Variants in MYO7B observed in about 807,000 individuals in gnomAD.
The protein encoded by MYO7B is unconventional myosin-VIIb.
MYO7B carries 212 observed loss-of-function variants against 259.7 expected under a neutral mutation model. That is an observed-to-expected ratio of 0.82 (90% CI 0.73 to 0.91). MYO7B has a LOEUF of 0.91. Ranked by LOEUF, MYO7B falls within the 40% of genes least tolerant of loss-of-function variation. The pLI, the probability that MYO7B is intolerant of heterozygous loss-of-function variation, is 0.00. For synonymous variants in MYO7B, 1,197 were observed against 1,166.4 expected (o/e 1.03, Z -0.54); for missense variants, 2,732 against 2,813.5 (o/e 0.97, Z 0.66).
At chr2:127,625,268 G>A (rs532959893) in intron 30 of MYO7B, 100 bp from the exon 31 acceptor site, 318 of 1,356,186 alleles carry the variant, frequency 2.3e-4, no homozygotes, top group Non-Finnish European at 2.9e-4. Flanking sequence ...TAGCTCCCCT[G>A]TGATGGGGCA....
intron 18 of MYO7B, among the ~76,000 whole-genome samples, chr2:127,595,215 G>A (rs1247238160): frequency 6.6e-6 from 1 of 152,108 alleles, no homozygotes; most frequent in African/African-American, 2.4e-5. Flanking sequence ...ATGTGTCCAG[G>A]AATTCATCCA....
intron 18 of MYO7B, among the ~76,000 whole-genome samples, chr2:127,593,892 G>A (rs1304942845): frequency 1.3e-5 from 2 of 152,228 alleles, no homozygotes; most frequent in Non-Finnish European, 2.9e-5. Context: ...GCTTCTCAGA[G>A]GGGTACCTAG....
At chr2:127,601,283 A>ATAT (rs1481114019) in intron 19 of MYO7B, among the ~76,000 whole-genome samples, 1 of 152,240 alleles carries the variant, frequency 6.6e-6, no homozygotes, top group Non-Finnish European at 1.5e-5. Flanking sequence ...TGGAAAGAAC[A>ATAT]TATATTTTGC....
chr2:127,556,787 G>T (rs540331906), intron 1 of MYO7B, among the ~76,000 whole-genome samples: 3 of 152,256 alleles, frequency 2.0e-5, no homozygotes, highest in African/African-American at 7.2e-5. Flanking sequence ...TCCTTTATAG[G>T]TTACCTGGTG....
chr2:127,628,299 T>G lies in MYO7B; in HGVS notation c.4461-73T>G. The G allele has an allele frequency of 1.3e-6, 2 of 1,532,642 alleles. No homozygotes were observed. The highest frequency in any genetic ancestry group is 1.8e-6 in the Non-Finnish European group (2 of 1,140,388). 94.9% of individuals were successfully genotyped at this position (1,532,642 alleles called of 1,614,324 possible). A position where few individuals can be genotyped will look rare whatever the true frequency, so the allele number is the denominator to read the frequency against. ...GTGACTCAGGACCCCCAACCCCACC[T>G]CCCGAGGCTGTTTAGGGGCTGGATC... On this transcript the variant is annotated intron_variant, in intron 33 of 47. Coordinates refer to ENST00000409816, the MANE Select transcript of MYO7B (RefSeq NM_001393586.1). This position sits in a 1 kb window ranked among gnomAD's most constrained non-coding sequence, Gnocchi z 4.8.
chr2:127,574,171 C>A, intron 7 of MYO7B, 109 bp downstream of exon 7: 1 of 1,364,566 alleles, frequency 7.3e-7, no homozygotes, highest in Non-Finnish European at 1.0e-6. Flanking sequence ...AGGGCCCTCC[C>A]AGAACCCACA....
intron 16 of MYO7B, among the ~76,000 whole-genome samples, chr2:127,591,016 C>CA (rs1409274565): frequency 1.3e-5 from 2 of 151,888 alleles, no homozygotes; most frequent in Non-Finnish European, 2.9e-5. Context: ...CTTATCTCTG[C>CA]AAAAAAATTT....
At chr2:127,566,592 C>T (rs1353061717) in intron 4 of MYO7B, 51 bp from the exon 5 acceptor site, 26 of 1,486,810 alleles carry the variant, frequency 1.7e-5, no homozygotes, top group Admixed American at 4.4e-5. Context: ...AGGCCAGGGC[C>T]GAGTACCTCT....
At chr2:127,545,054 T>C (rs1260824802) in intron 1 of MYO7B, among the ~76,000 whole-genome samples, 1 of 152,224 alleles carries the variant, frequency 6.6e-6, no homozygotes, top group African/African-American at 2.4e-5. Context: ...AGCTGTGTGG[T>C]ATTCTACCCA....
intron 29 of MYO7B, 100 bp downstream of exon 29, chr2:127,623,475 C>T (rs1012155714): frequency 4.7e-6 from 6 of 1,280,804 alleles, no homozygotes; most frequent in Middle Eastern, 2.7e-4. Flanking sequence ...CGGCCACCAC[C>T]TACCCTCCCA....
Position 127,569,790 on chromosome 2 carries a change from G to T in MYO7B, c.472G>T (p.Gly158Cys), listed in dbSNP as rs767454885. 4.4e-6 allele frequency: 7 copies of T among 1,607,100 alleles called. No homozygotes were observed. Among genetic ancestry groups the T allele is most frequent in the Non-Finnish European group, 5.1e-6 (6 of 1,176,740 alleles). Residue 158 changes from glycine to cysteine, a missense_variant and splice_region_variant, in exon 6 of 48, where the codon GGC becomes TGC. By Grantham distance (159) the Gly-to-Cys change is radical. Around this residue, in one of 3 missense-constraint regions of MYO7B, gnomAD observed 1,906 missense variants for 2,026.4 expected, o/e 0.94. Transcript: ENST00000409816. ...TGTCCCTGCACACCCTTTTTGCAGCGGCGAGTCTGGGGCTGGCAAGACGGA... is the reference window on the plus strand; with the variant it reads ...TGTCCCTGCACACCCTTTTTGCAGCTGCGAGTCTGGGGCTGGCAAGACGGA... ...NKRDQCCIIS[G>C]ESGAGKTETT...
chr2:127,556,390 T>C (rs1693637909), intron 1 of MYO7B, among the ~76,000 whole-genome samples: 1 of 152,248 alleles, frequency 6.6e-6, no homozygotes, highest in Non-Finnish European at 1.5e-5. Flanking sequence ...GCCATTTACA[T>C]TCAACATTAG....
chr2:127,562,898 C>T (rs145698866), intron 2 of MYO7B, among the ~76,000 whole-genome samples: 15 of 152,292 alleles, frequency 9.8e-5, no homozygotes, highest in African/African-American at 3.4e-4. Context: ...TGTGAACCAC[C>T]ACATCCAGCC....
At chr2:127,555,922 A>T (rs997127666) in intron 1 of MYO7B, among the ~76,000 whole-genome samples, 1 of 152,198 alleles carries the variant, frequency 6.6e-6, no homozygotes, top group Non-Finnish European at 1.5e-5. Flanking sequence ...CATTCATTCC[A>T]GGGTATAGTT....
At chr2:127,616,362 T>C (rs1176023247) in intron 26 of MYO7B, among the ~76,000 whole-genome samples, 1 of 152,216 alleles carries the variant, frequency 6.6e-6, no homozygotes, top group African/African-American at 2.4e-5. Context: ...GTCTCCTAGT[T>C]GTACTTCCAA....
intron 28 of MYO7B, 134 bp downstream of exon 28, chr2:127,622,235 C>T: frequency 8.0e-7 from 1 of 1,250,746 alleles, no homozygotes; most frequent in Non-Finnish European, 1.1e-6. Context: ...CTCTGCAGTA[C>T]CTCCCATGCC....
chr2:127,637,230 C>A, intron 47 of MYO7B, 86 bp from the exon 48 acceptor site: 1 of 1,064,376 alleles, frequency 9.4e-7, no homozygotes, highest in Non-Finnish European at 1.4e-6. Context: ...CTGCTGGTTG[C>A]TGAGGAAGAG....
At chr2:127,622,738 G>A (rs558572912) in intron 28 of MYO7B, among the ~76,000 whole-genome samples, 217 of 152,260 alleles carry the variant, frequency 1.4e-3, no homozygotes, top group African/African-American at 5.0e-3. Flanking sequence ...TCCCTCCCAC[G>A]AGCCCTGGAA....
At position 127,615,586 on chromosome 2, in the gene MYO7B, G is replaced by T. The variant is rs1457792910; in HGVS notation, c.3398+2983G>T. On this transcript the variant is annotated intron_variant, in intron 26 of 47. Coordinates refer to ENST00000409816, the MANE Select transcript of MYO7B (RefSeq NM_001393586.1). The surrounding 1 kb of genome is among the most constrained non-coding windows in gnomAD (Gnocchi z 4.4). ...AGTATTACTAACAGGCTTCAGGTGT[G>T]CCCTGTAGATAATCACAAGAAACAC... Among the ~76,000 whole-genome samples, 2 of 152,054 alleles carry T rather than the reference G, an allele frequency of 1.3e-5. No homozygotes were observed. The highest frequency in any genetic ancestry group is 1.5e-5 in the Non-Finnish European group (1 of 68,006).
Sources: allele counts gnomAD v4.1 joint callset (sites outside exome capture counted in the v4.1 genomes callset), GRCh38; gene constraint gnomAD v4.1.1; regional missense constraint gnomAD v4.1.1; non-coding constraint Gnocchi (gnomAD v3.1); transcripts MANE v1.5; gene names NCBI Gene and HGNC (gene_info 2026-07-23, HGNC 2026-07-21).